The following PALM2AKAP2 variants were observed in gnomAD, a reference collection of about 807,000 sequenced individuals.
The protein encoded by PALM2AKAP2 is PALM2-AKAP2 fusion protein.
Under a neutral mutation model 71.5 loss-of-function variants are expected in PALM2AKAP2, and 37 were observed. The observed-to-expected ratio is 0.52, with a 90% CI of 0.40 to 0.68. The LOEUF is 0.68. Among genes scored for constraint, PALM2AKAP2 ranks in the 30% least tolerant of loss-of-function variants. The pLI, the probability that PALM2AKAP2 is intolerant of heterozygous loss-of-function variation, is 0.00. For missense variants in PALM2AKAP2, 1,224 were observed against 1,191.8 expected, an observed-to-expected ratio of 1.03 and a Z score of -0.40; for synonymous variants, 468 against 478.8, an observed-to-expected ratio of 0.98 and a Z score of 0.29.
intron 1 of PALM2AKAP2, among the ~76,000 whole-genome samples, chr9:109,731,897 G>T (rs1204269804): frequency 6.6e-6 from 1 of 152,150 alleles, no homozygotes; most frequent in Admixed American, 6.5e-5. Context: ...AGATGCTTAT[G>T]TATGAGATGA....
At chr9:110,000,711 G>A (rs1272726464) in intron 6 of PALM2AKAP2, among the ~76,000 whole-genome samples, 1 of 152,160 alleles carries the variant, frequency 6.6e-6, no homozygotes, top group African/African-American at 2.4e-5. Context: ...CATTCTAACT[G>A]GTGTGAGATG....
intron 1 of PALM2AKAP2, among the ~76,000 whole-genome samples, chr9:110,135,074 G>A (rs935944616): frequency 2.7e-5 from 4 of 146,462 alleles, no homozygotes; most frequent in East Asian, 3.9e-4. Context: ...CCAGCACTTC[G>A]GGAGGCTGAG....
At chr9:109,984,100 A>G (rs1031003871) in intron 6 of PALM2AKAP2, among the ~76,000 whole-genome samples, 2 of 152,158 alleles carry the variant, frequency 1.3e-5, no homozygotes, top group African/African-American at 4.8e-5. Context: ...TTCAGTCTTG[A>G]CCACTTTTTG....
At chr9:109,935,894 T>C (rs948026339) in intron 6 of PALM2AKAP2, among the ~76,000 whole-genome samples, 1 of 152,208 alleles carries the variant, frequency 6.6e-6, no homozygotes, top group Admixed American at 6.5e-5. Context: ...TGCCACTTTC[T>C]TTCTGGCACT....
At chr9:109,786,567 A>C (rs1351355335) in intron 1 of PALM2AKAP2, among the ~76,000 whole-genome samples, 1 of 152,222 alleles carries the variant, frequency 6.6e-6, no homozygotes, top group Non-Finnish European at 1.5e-5. Context: ...GAAGGGTTCA[A>C]CTTGGCTGAG....
At chr9:109,991,005 A>T (rs1284259666) in intron 6 of PALM2AKAP2, among the ~76,000 whole-genome samples, 6 of 152,136 alleles carry the variant, frequency 3.9e-5, no homozygotes, top group Non-Finnish European at 7.4e-5. Context: ...GCTCAGGGAT[A>T]TGGGCTTCCT....
At chr9:109,776,315 C>T (rs772883637), upstream of PALM2AKAP2, among the ~76,000 whole-genome samples, 9 of 152,188 alleles carry the variant, frequency 5.9e-5, no homozygotes, top group Non-Finnish European at 1.2e-4. Context: ...GGCCAACCAT[C>T]AGGCAGTCAT....
chr9:109,852,951 A>T (rs1564180493), intron 1 of PALM2AKAP2, among the ~76,000 whole-genome samples: 1 of 152,170 alleles, frequency 6.6e-6, no homozygotes, highest in South Asian at 2.1e-4. Context: ...CATGGTTTGC[A>T]GATATTTTCT....
At chr9:109,790,673 G>A (rs1827090770) in intron 1 of PALM2AKAP2, among the ~76,000 whole-genome samples, 2 of 152,202 alleles carry the variant, frequency 1.3e-5, no homozygotes, top group Admixed American at 6.5e-5. Flanking sequence ...AACTCAGTCA[G>A]CTGGCTTTCC....
At chr9:109,973,579 C>T (rs1219589289) in intron 6 of PALM2AKAP2, among the ~76,000 whole-genome samples, 1 of 152,182 alleles carries the variant, frequency 6.6e-6, no homozygotes, top group African/African-American at 2.4e-5. Flanking sequence ...GGAGTATCCT[C>T]CTCCCATAGA....
chr9:110,151,308 C>T (rs559970811), intron 2 of PALM2AKAP2, among the ~76,000 whole-genome samples: 24 of 152,316 alleles, frequency 1.6e-4, no homozygotes, highest in Middle Eastern at 3.4e-3. Context: ...ACCTCAGCCT[C>T]CTGAAGTGCT....
chr9:109,794,480 G>T (rs1195315005), intron 1 of PALM2AKAP2, among the ~76,000 whole-genome samples: 2 of 148,756 alleles, frequency 1.3e-5, no homozygotes, highest in African/African-American at 5.0e-5. Flanking sequence ...AGCACACTTA[G>T]TGAAAGACTA....
At chr9:110,161,002 T>G (rs993006568) in intron 3 of PALM2AKAP2, among the ~76,000 whole-genome samples, 1 of 152,212 alleles carries the variant, frequency 6.6e-6, no homozygotes, top group African/African-American at 2.4e-5. Flanking sequence ...TTGAGAGTTG[T>G]GGCCATACTC....
chr9:109,699,796 A>T (rs181349931), intron 1 of PALM2AKAP2, among the ~76,000 whole-genome samples: 288 of 143,012 alleles, frequency 2.0e-3, no homozygotes, highest in Non-Finnish European at 1.4e-3. Flanking sequence ...TTTTTTTGAG[A>T]TGGAGTCTCA....
At chr9:110,121,225 T>C (rs548201509) in intron 1 of PALM2AKAP2, among the ~76,000 whole-genome samples, 2 of 152,344 alleles carry the variant, frequency 1.3e-5, no homozygotes, top group Admixed American at 1.3e-4. Flanking sequence ...AACAAACTCC[T>C]GTCTTAAATT....
At chr9:109,934,748 C>T (rs959510130) in intron 6 of PALM2AKAP2, among the ~76,000 whole-genome samples, 1 of 152,188 alleles carries the variant, frequency 6.6e-6, no homozygotes, top group Non-Finnish European at 1.5e-5. Flanking sequence ...CAGCCTCACT[C>T]CGTTTATCCA....
At chr9:109,880,816 T>C in intron 3 of PALM2AKAP2, 135 bp downstream of exon 3, 1 of 1,315,426 alleles carries the variant, frequency 7.6e-7, no homozygotes, top group Non-Finnish European at 9.9e-7. Flanking sequence ...CAAAGCACAT[T>C]GATGTTGTTT....
chr9:109,665,676 G>A (rs541444780), intron 1 of PALM2AKAP2, among the ~76,000 whole-genome samples: 23 of 152,332 alleles, frequency 1.5e-4, no homozygotes, highest in East Asian at 9.7e-4. Context: ...CAGTCTGTCC[G>A]TTGTTGGAGC....
intron 6 of PALM2AKAP2, among the ~76,000 whole-genome samples, chr9:109,975,092 A>T (rs1050170063): frequency 6.6e-6 from 1 of 152,054 alleles, no homozygotes; most frequent in African/African-American, 2.4e-5. Context: ...ACGTTTGTGT[A>T]TATTAGGATT....
Sources: gnomAD v4.1 joint callset for allele counts (sites outside exome capture counted in the v4.1 genomes callset) on GRCh38, gnomAD v4.1.1 for gene constraint, MANE v1.5 for transcripts, NCBI Gene and HGNC (gene_info 2026-07-23, HGNC 2026-07-21) for gene names.